The following DHX35 variants were observed in gnomAD, a reference collection of about 807,000 sequenced individuals.
DHX35 encodes the protein probable ATP-dependent RNA helicase DHX35.
Under a neutral mutation model 99.6 loss-of-function variants are expected in DHX35, and 84 were observed. The ratio of observed to expected loss-of-function variants is 0.84; its 90% confidence interval spans 0.71 to 1.01. The LOEUF (loss-of-function observed/expected upper bound fraction) is 1.01, where lower values mean the gene tolerates loss of function less well. Ranked by LOEUF, DHX35 falls within the 50% of genes least tolerant of loss-of-function variation. DHX35 has a pLI of 0.00. For synonymous variants in DHX35, 331 were observed against 316.2 expected (o/e 1.05, Z -0.50); for missense variants, 852 against 888.5 (o/e 0.96, Z 0.52).
intron 7 of DHX35, among the ~76,000 whole-genome samples, chr20:38,993,667 A>G (rs1291908875): frequency 6.8e-6 from 1 of 146,772 alleles, no homozygotes; most frequent in African/African-American, 2.5e-5. Context: ...GCCCGGCCAC[A>G]TTGGCTATTT....
intron 10 of DHX35, among the ~76,000 whole-genome samples, chr20:39,003,544 G>GTCTAT (rs1247695265): frequency 6.6e-6 from 1 of 152,172 alleles, no homozygotes; most frequent in Non-Finnish European, 1.5e-5. Context: ...AACTAATAGT[G>GTCTAT]TAGTTGCAAA....
chr20:38,998,478 A>G (rs1023192977), intron 8 of DHX35, among the ~76,000 whole-genome samples: 12 of 152,182 alleles, frequency 7.9e-5, no homozygotes, highest in Non-Finnish European at 1.5e-4. Flanking sequence ...GAAGGAGCCT[A>G]TGGTGAGCTA....
At chr20:38,995,785 G>A (rs775253292) in intron 8 of DHX35, among the ~76,000 whole-genome samples, 9 of 152,184 alleles carry the variant, frequency 5.9e-5, no homozygotes, top group Non-Finnish European at 1.3e-4. Context: ...CGCAGAGGTG[G>A]TGACCTACCA....
In DHX35 at chr20:39,039,496, A is replaced by G. The variant is rs1195785813; in HGVS notation, c.*953A>G. On this transcript the variant is annotated 3_prime_UTR_variant, in exon 22 of 22. Transcript: ENST00000252011. Reference sequence around the variant, plus strand: ...TTGCTGTGATGATGATTGCATTTCAACACATGCCAGATGCAGATTTTTTCC... The same window carrying G: ...TTGCTGTGATGATGATTGCATTTCAGCACATGCCAGATGCAGATTTTTTCC... 6.6e-6 allele frequency: 1 copy of G among 152,454 alleles called. No homozygotes were observed. Among genetic ancestry groups the G allele is most frequent in the Non-Finnish European group, 1.5e-5 (1 of 68,036 alleles). The allele number at this position is 152,454 out of a possible 1,614,324, so 9.4% of individuals were successfully genotyped here.
At chr20:38,970,574 A>C (rs957058995) in intron 2 of DHX35, among the ~76,000 whole-genome samples, 37 of 152,292 alleles carry the variant, frequency 2.4e-4, no homozygotes, top group African/African-American at 8.9e-4. Context: ...CCCAAGCTTC[A>C]CCATTTGTGT....
In DHX35 at chr20:38,994,887, GCCTTGCCTCC is replaced by G; in HGVS notation, c.642+12_642+21del. ...AGCCACTCTGGATGCAGACGTAAGA[GCCTTGCCTCC>G]CCTTTCCTCCTCTCCTCACAAACAC... On this transcript the variant is annotated splice_region_variant and intron_variant, in intron 8 of 21. Transcript: ENST00000252011. 1 of 1,613,330 alleles carries G rather than the reference GCCTTGCCTCC, an allele frequency of 6.2e-7. No homozygotes were observed. Among genetic ancestry groups the G allele is most frequent in the Non-Finnish European group, 8.5e-7 (1 of 1,179,360 alleles).
intron 13 of DHX35, among the ~76,000 whole-genome samples, chr20:39,011,652 T>G (rs893726656): frequency 6.6e-6 from 1 of 152,252 alleles, no homozygotes; most frequent in Non-Finnish European, 1.5e-5. Context: ...CTTTGGTTAT[T>G]CTTGCCCTTA....
intron 9 of DHX35, among the ~76,000 whole-genome samples, 193 bp downstream of exon 9, chr20:39,002,035 A>C (rs758606069): frequency 2.6e-5 from 4 of 152,230 alleles, no homozygotes; most frequent in Non-Finnish European, 4.4e-5. Flanking sequence ...TCACACTGAC[A>C]TGCAAGTTTC....
At chr20:39,004,803 C>G (rs1301376767) in intron 11 of DHX35, among the ~76,000 whole-genome samples, 2 of 152,140 alleles carry the variant, frequency 1.3e-5, no homozygotes, top group Admixed American at 1.3e-4. Flanking sequence ...AGCTATTTAT[C>G]AACAGATGGC....
chr20:39,033,067 C>A (rs1346380778), intron 20 of DHX35, among the ~76,000 whole-genome samples: 1 of 151,850 alleles, frequency 6.6e-6, no homozygotes, highest in African/African-American at 2.4e-5. Context: ...ATAGCCAGAC[C>A]TCAACTCTCA....
chr20:38,988,995 T>C, intron 5 of DHX35, 78 bp downstream of exon 5: 3 of 1,530,840 alleles, frequency 2.0e-6, no homozygotes, highest in Non-Finnish European at 2.7e-6. Context: ...ATGTAGTCCT[T>C]GCTGCTGTAC....
In DHX35 at chr20:39,002,834, G is replaced by A. The variant is rs144010242; in HGVS notation, c.818G>A (p.Gly273Glu). ...GTGGTGAAAATTCACCAGACAGAGG[G>A]AGACGGAGACGTTTTAGCATTTCTT... ...ETVVKIHQTE[G>E]DGDVLAFLTG... Residue 273 changes from glycine to glutamate, a missense_variant, in exon 10 of 22, where the codon GGA becomes GAA. Gly to Glu is a moderately conservative substitution (Grantham distance 98). Coordinates refer to ENST00000252011, the MANE Select transcript of DHX35 (RefSeq NM_021931.4). 18 of 1,614,048 alleles carry A rather than the reference G, an allele frequency of 1.1e-5. No individual in the cohort carries two copies. Among genetic ancestry groups the A allele is most frequent in the Non-Finnish European group, 1.4e-5 (17 of 1,180,028 alleles).
At chr20:39,035,484 T>C (rs1191908330) in intron 21 of DHX35, among the ~76,000 whole-genome samples, 1 of 152,370 alleles carries the variant, frequency 6.6e-6, no homozygotes, top group South Asian at 2.1e-4. Context: ...CTGAAACCTT[T>C]TTCTCCATTA....
chr20:39,015,022 A>G, intron 14 of DHX35, 88 bp downstream of exon 14: 2 of 1,440,280 alleles, frequency 1.4e-6, no homozygotes, highest in Non-Finnish European at 2.0e-6. Context: ...GGATTTTAGT[A>G]TCTTCAGGAA....
chr20:38,994,209 G>A (rs575928327), intron 7 of DHX35, among the ~76,000 whole-genome samples: 43 of 152,118 alleles, frequency 2.8e-4, no homozygotes, highest in African/African-American at 9.9e-4. Context: ...TAATAAGAGG[G>A]CCGATTTCAC....
intron 11 of DHX35, among the ~76,000 whole-genome samples, chr20:39,005,848 C>T (rs926078932): frequency 1.3e-5 from 2 of 152,102 alleles, no homozygotes; most frequent in African/African-American, 4.8e-5. Context: ...GCTCTGATCA[C>T]TTTATATATT....
chr20:38,988,674 T>G lies in DHX35; in HGVS notation c.346-139T>G. 3 of 1,193,608 alleles carry G rather than the reference T, an allele frequency of 2.5e-6. No homozygotes were observed. The Admixed American group carries it at 7.9e-5, about 31-fold the overall frequency. 73.9% of individuals were successfully genotyped at this position (1,193,608 alleles called of 1,614,324 possible). On this transcript the variant is annotated intron_variant, in intron 4 of 21. Coordinates refer to ENST00000252011, the MANE Select transcript of DHX35 (RefSeq NM_021931.4). ...ATTGCAAAAGTTATTATGCTTGTTC[T>G]CTAATAACTTGTCTCTTTTCATTTT...
At position 39,021,406 on chromosome 20, in the gene DHX35, T is replaced by C. The variant is rs191264474; in HGVS notation, c.1499-435T>C. The stretch of plus-strand genomic sequence containing the variant: ...CAGAGGGCAGTAACACCTCCTTTTT[T>C]GGAGTCCTTCAAGGCTACTATTCAT... On this transcript the variant is annotated intron_variant, in intron 15 of 21. Coordinates refer to ENST00000252011, the MANE Select transcript of DHX35 (RefSeq NM_021931.4). 3.2e-4 allele frequency among the ~76,000 whole-genome samples: 48 copies of C among 152,348 alleles called. No homozygotes were observed. In the East Asian group the frequency reaches 8.5e-3, roughly 27 times the overall value.
At chr20:38,968,510 T>G (rs2085943048) in intron 1 of DHX35, among the ~76,000 whole-genome samples, 1 of 152,204 alleles carries the variant, frequency 6.6e-6, no homozygotes, top group African/African-American at 2.4e-5. Context: ...CAGTTCTGAG[T>G]GGCCAATTTG....
Sources: gnomAD v4.1 joint callset for allele counts (sites outside exome capture counted in the v4.1 genomes callset) on GRCh38, gnomAD v4.1.1 for gene constraint, MANE v1.5 for transcripts, NCBI Gene and HGNC (gene_info 2026-07-23, HGNC 2026-07-21) for gene names.